The following ITIH4 variants were observed in gnomAD, a reference collection of about 807,000 sequenced individuals.
ITIH4 encodes inter-alpha-trypsin inhibitor heavy chain H4.
Under a neutral mutation model 111.8 loss-of-function variants are expected in ITIH4, and 79 were observed. The observed-to-expected ratio is 0.71, with a 90% confidence interval of 0.59 to 0.85. The LOEUF (loss-of-function observed/expected upper bound fraction) is 0.85, where lower values mean the gene tolerates loss of function less well. Ranked by LOEUF, ITIH4 falls within the 40% of genes least tolerant of loss-of-function variation. The pLI is 0.00. For missense variants in ITIH4, 1,065 were observed against 1,195.8 expected, an observed-to-expected ratio of 0.89 and a Z score of 1.61; for synonymous variants, 472 against 468.3, an observed-to-expected ratio of 1.01 and a Z score of -0.10.
chr3:52,819,332 G>T, intron 17 of ITIH4, 61 bp downstream of exon 17: 3 of 1,604,222 alleles, frequency 1.9e-6, no homozygotes, highest in South Asian at 1.1e-5. Context: ...CCCCTCTATG[G>T]GGCAGGCTCA....
rs781399215 is a variant in ITIH4 at position 52,827,157 on chromosome 3, TCTC to T, written c.289_291del (p.Glu97del). 6.8e-6 allele frequency: 11 copies of T among 1,614,026 alleles called. No homozygotes were observed. The highest frequency in any genetic ancestry group is 4.2e-6 in the Non-Finnish European group (5 of 1,180,032). On this transcript the variant is annotated inframe_deletion, in exon 3 of 24. Coordinates refer to ENST00000266041, the MANE Select transcript of ITIH4 (RefSeq NM_002218.5). ...CTGTACTGTGCCTGGGCTTCAGCCTTCTCCTTGATGATCCCTGGGTAGGTCATG... is the reference window on the plus strand; with the variant it reads ...CTGTACTGTGCCTGGGCTTCAGCCTTCTTGATGATCCCTGGGTAGGTCATG...
chr3:52,826,761 G>A, intron 4 of ITIH4, 30 bp downstream of exon 4: 1 of 1,613,596 alleles, frequency 6.2e-7, no homozygotes, highest in South Asian at 1.1e-5. Context: ...TCATGCAGGA[G>A]GCCTCCCTGG....
chr3:52,821,767 C>A (rs1399367551), intron 11 of ITIH4, among the ~76,000 whole-genome samples: 1 of 152,170 alleles, frequency 6.6e-6, no homozygotes, highest in Non-Finnish European at 1.5e-5. Context: ...TAGCTCGCTG[C>A]CTGGGAAATG....
Position 52,823,726 on chromosome 3 carries a change from C to T in ITIH4, c.1369G>A (p.Val457Met), listed in dbSNP as rs769135729. ...ALQLQDFYQEVANPLLTAVTF... is the reference protein window; with the variant it reads ...ALQLQDFYQEMANPLLTAVTF... ...ACTGCTGTCAGCAGTGGGTTGGCCACTTCCTGGTAGAAGTCCTGCAGGGTT... is the reference window on the plus strand; with the variant it reads ...ACTGCTGTCAGCAGTGGGTTGGCCATTTCCTGGTAGAAGTCCTGCAGGGTT... Residue 457 changes from valine to methionine, a missense_variant, in exon 11 of 24, where the codon GTG (valine) becomes ATG (methionine). Physicochemically the swap from Val to Met is conservative, Grantham distance 21. Coordinates refer to ENST00000266041, the MANE Select transcript of ITIH4 (RefSeq NM_002218.5). The T allele has an allele frequency of 1.2e-6, 2 of 1,614,200 alleles. No homozygotes were observed. The highest frequency in any genetic ancestry group is 3.3e-5 in the Admixed American group (2 of 60,028).
chr3:52,817,278 A>T (rs554652446), intron 20 of ITIH4, among the ~76,000 whole-genome samples: 286 of 152,278 alleles, frequency 1.9e-3, no homozygotes, highest in Middle Eastern at 0.01. Context: ...GGGGCCCCTA[A>T]ATCCTCGGCG....
intron 6 of ITIH4, 81 bp downstream of exon 6, chr3:52,825,805 C>G: frequency 6.7e-7 from 1 of 1,489,238 alleles, no homozygotes; most frequent in South Asian, 1.3e-5. Context: ...GGTTCTTTTC[C>G]TGTTCTAAAA....
rs1559483553 is a variant in ITIH4, at chr3:52,830,577, G to A, written c.66C>T (p.Ile22=). The change falls in exon 1 of 24, where the codon ATC becomes ATT. Residue 22 remains isoleucine (I), a synonymous_variant. Transcript: ENST00000266041. The part of the protein sequence containing the change: ...KVLVLLSLLA[I]HQTTTAEKNG... ...CCTTTTCGGCAGTAGTAGTCTGGTG[G>A]ATGGCCAGCAGTGAAAGCAGGACGA... The A allele has an allele frequency of 6.2e-7, 1 of 1,614,198 alleles. No homozygotes were observed. The highest frequency in any genetic ancestry group is 8.5e-7 in the Non-Finnish European group (1 of 1,180,014).
chr3:52,813,152 T>C lies in ITIH4; in HGVS notation c.*269A>G. ...AAAATGAAGGGGCTGGACTGAAAGCTCAGCATGGGCCTTCCTGGCCATGGG... is the reference window on the plus strand; with the variant it reads ...AAAATGAAGGGGCTGGACTGAAAGCCCAGCATGGGCCTTCCTGGCCATGGG... On this transcript the variant is annotated 3_prime_UTR_variant, in exon 24 of 24. Transcript: ENST00000266041. 1 of 450,088 alleles carries C rather than the reference T, an allele frequency of 2.2e-6. No homozygotes were observed. The highest frequency in any genetic ancestry group is 4.0e-6 in the Non-Finnish European group (1 of 252,092). The allele number at this position is 450,088 out of a possible 1,614,324, so 27.9% of individuals were successfully genotyped here.
At position 52,829,195 on chromosome 3, in the gene ITIH4, T is replaced by C. The variant is rs749049301; in HGVS notation, c.175A>G (p.Asn59Asp). ...GCCTCCTGCACAGTATTGGCCCTAT[T>C]GACCACTCGGCTGGTGACGACCGTG... ...AHTVVTSRVV[N>D]RANTVQEATF... is the part of the protein sequence containing the mutation. Residue 59 changes from asparagine (N) to aspartate (D), a missense_variant, in exon 2 of 24, where the codon AAT (asparagine) becomes GAT (aspartate). Asn to Asp is a conservative substitution (Grantham distance 23). Transcript: ENST00000266041. The C allele has an allele frequency of 1.2e-6, 2 of 1,613,872 alleles. No individual in the cohort carries two copies. Among genetic ancestry groups the C allele is most frequent in the African/African-American group, 2.7e-5 (2 of 75,022 alleles).
chr3:52,818,019 G>T, intron 20 of ITIH4, 33 bp downstream of exon 20: 1 of 1,514,420 alleles, frequency 6.6e-7, no homozygotes, highest in South Asian at 1.1e-5. Flanking sequence ...TGTGCCAGTG[G>T]TGTCTGGGTC....
chr3:52,818,245 C>A lies in ITIH4; in HGVS notation c.2179+12G>T. 1 of 1,583,884 alleles carries A rather than the reference C, an allele frequency of 6.3e-7. No individual in the cohort carries two copies. Among genetic ancestry groups the A allele is most frequent in the Non-Finnish European group, 8.6e-7 (1 of 1,165,416 alleles). On this transcript the variant is annotated intron_variant, in intron 19 of 23. Coordinates refer to ENST00000266041, the MANE Select transcript of ITIH4 (RefSeq NM_002218.5). Reference sequence around the variant, plus strand: ...AGGATGTGGAAAGGGGCCAAGGGGGCTGGGAACTTACCTGGGGTTTGGGTT... The same window carrying A: ...AGGATGTGGAAAGGGGCCAAGGGGGATGGGAACTTACCTGGGGTTTGGGTT...
chr3:52,830,359 T>A (rs755568900), intron 1 of ITIH4, 194 bp downstream of exon 1: 1 of 685,346 alleles, frequency 1.5e-6, no homozygotes, highest in South Asian at 1.5e-5. Context: ...GATTGGATCA[T>A]CCCCTCTATT....
At position 52,818,095 on chromosome 3, in the gene ITIH4, T is replaced by C; in HGVS notation, c.2253A>G (p.Arg751=). 1 of 1,613,776 alleles carries C rather than the reference T, an allele frequency of 6.2e-7. No individual in the cohort carries two copies. Among genetic ancestry groups the C allele is most frequent in the Non-Finnish European group, 8.5e-7 (1 of 1,179,998 alleles). The change falls in exon 20 of 24, where the codon AGA becomes AGG. Residue 751 remains arginine (R), a synonymous_variant. Transcript: ENST00000266041. ...QSVERLCVDP[R]HRQGPVNLLS... is the part of the protein sequence containing the mutation. ...GCAGGTTCACTGGCCCCTGGCGGTG[T>C]CTGGGGTCCACACAGAGCCGCTCCA...
chr3:52,819,324 C>G (rs7620907), intron 17 of ITIH4, 69 bp downstream of exon 17: 240 of 1,592,416 alleles, frequency 1.5e-4, no homozygotes, highest in Non-Finnish European at 1.9e-4. Flanking sequence ...ACCCCACCCC[C>G]CTCTATGGGG....
Position 52,814,250 on chromosome 3 carries a change from C to A in ITIH4, c.2585G>T (p.Arg862Leu). ...GRGEGLRLLL[R>L]DTDRFSSHVG... ...GTGGCTGGAGAAGCGGTCAGTGTCA[C>A]GCAGAAGGAGCCGGAGCCCCTCCCC... The change falls in exon 22 of 24, where the codon CGT becomes CTT. Residue 862 changes from arginine (R) to leucine (L), a missense_variant. Transcript: ENST00000266041. 6.2e-7 allele frequency: 1 copy of A among 1,613,726 alleles called. No homozygotes were observed. Among genetic ancestry groups the A allele is most frequent in the Non-Finnish European group, 8.5e-7 (1 of 1,180,008 alleles).
At position 52,824,971 on chromosome 3, in the gene ITIH4, T is replaced by A. The variant is rs557277369; in HGVS notation, c.760-13A>T. On this transcript the variant is annotated splice_polypyrimidine_tract_variant and intron_variant, in intron 6 of 23. Coordinates refer to ENST00000266041, the MANE Select transcript of ITIH4 (RefSeq NM_002218.5). The surrounding 1 kb of genome is among the most constrained non-coding windows in gnomAD (Gnocchi z 4.3). ...AGCCGTTCTCGATCTGTGGCCAGAG[T>A]GAGACCCACCCAGGCCATCAGAGCT... The A allele has an allele frequency of 4.1e-5, 64 of 1,573,608 alleles. No homozygotes were observed. The South Asian group carries it at 7.2e-4, about 18-fold the overall frequency.
chr3:52,818,212 T>TG, intron 19 of ITIH4, 44 bp from the exon 20 acceptor site: 1 of 1,594,636 alleles, frequency 6.3e-7, no homozygotes, highest in South Asian at 1.1e-5. Context: ...AAGGGCAGGC[T>TG]GGGGGCAAGG....
intron 23 of ITIH4, 90 bp downstream of exon 23, chr3:52,813,885 C>A: frequency 1.0e-6 from 1 of 999,526 alleles, no homozygotes; most frequent in South Asian, 1.4e-5. Flanking sequence ...TGGGCAAGGA[C>A]AGGAGTGGGG....
At chr3:52,827,271 G>T in intron 2 of ITIH4, 74 bp from the exon 3 acceptor site, 1 of 1,221,398 alleles carries the variant, frequency 8.2e-7, no homozygotes. Context: ...CCTCCAGAGA[G>T]CCTTTCTGGA....
Sources: gnomAD v4.1 joint callset for allele counts (sites outside exome capture counted in the v4.1 genomes callset) on GRCh38, gnomAD v4.1.1 for gene constraint, Gnocchi (gnomAD v3.1) non-coding constraint, MANE v1.5 for transcripts, NCBI Gene and HGNC (gene_info 2026-07-23, HGNC 2026-07-21) for gene names.